The following ARHGAP10 variants were observed in gnomAD, a reference collection of about 807,000 sequenced individuals.
ARHGAP10 encodes the protein Rho GTPase activating protein 10.
In ARHGAP10, 87 loss-of-function variants were observed where a neutral mutation model predicts 108.6. The observed-to-expected ratio is 0.80, with a 90% confidence interval of 0.67 to 0.96. The LOEUF (loss-of-function observed/expected upper bound fraction) is 0.96, where lower values mean the gene tolerates loss of function less well. Ranked by LOEUF, ARHGAP10 falls within the 40% of genes least tolerant of loss-of-function variation. The pLI is 0.00. For missense variants in ARHGAP10, 939 were observed against 954.5 expected, an observed-to-expected ratio of 0.98 and a Z score of 0.21; for synonymous variants, 347 against 341.1, an observed-to-expected ratio of 1.02 and a Z score of -0.19.
chr4:148,066,724 T>G (rs1729894488), intron 22 of ARHGAP10, among the ~76,000 whole-genome samples: 1 of 152,228 alleles, frequency 6.6e-6, no homozygotes, highest in Admixed American at 6.5e-5. Flanking sequence ...TTATCTTCTG[T>G]GTGACCTGGG....
chr4:147,775,872 T>A (rs1164297587), intron 1 of ARHGAP10, among the ~76,000 whole-genome samples: 1 of 152,170 alleles, frequency 6.6e-6, no homozygotes, highest in Non-Finnish European at 1.5e-5. Flanking sequence ...TACCAGATAT[T>A]GTCATGAGAT....
chr4:147,986,887 G>C (rs771550742), intron 18 of ARHGAP10, among the ~76,000 whole-genome samples: 6 of 152,208 alleles, frequency 3.9e-5, no homozygotes, highest in Non-Finnish European at 7.3e-5. Flanking sequence ...CAGGCTGCCT[G>C]GCTTTGGAGG....
intron 18 of ARHGAP10, among the ~76,000 whole-genome samples, chr4:148,022,900 A>T (rs1741622548): frequency 6.6e-6 from 1 of 152,240 alleles, no homozygotes; most frequent in Non-Finnish European, 1.5e-5. Context: ...AACCTTCCAT[A>T]AAATTTAATG....
intron 13 of ARHGAP10, among the ~76,000 whole-genome samples, chr4:147,924,655 T>A (rs904990172): frequency 6.6e-6 from 1 of 152,210 alleles, no homozygotes; most frequent in African/African-American, 2.4e-5. Context: ...GTCTGTGACA[T>A]TTTATGGTAC....
intron 3 of ARHGAP10, among the ~76,000 whole-genome samples, chr4:147,828,689 G>A (rs1220903461): frequency 6.6e-6 from 1 of 152,138 alleles, no homozygotes; most frequent in Non-Finnish European, 1.5e-5. Context: ...TCGAAAAGAG[G>A]GAAGGATATG....
At chr4:148,047,485 C>G (rs970479858) in intron 20 of ARHGAP10, among the ~76,000 whole-genome samples, 2 of 152,234 alleles carry the variant, frequency 1.3e-5, no homozygotes, top group African/African-American at 4.8e-5. Context: ...CTCTGTTTTG[C>G]TCCATAGCAT....
At chr4:147,947,180 C>T (rs1162567184) in intron 15 of ARHGAP10, among the ~76,000 whole-genome samples, 2 of 142,334 alleles carry the variant, frequency 1.4e-5, no homozygotes, top group African/African-American at 2.6e-5. Flanking sequence ...TAATAGAAAA[C>T]ATTTAGGACT....
intron 19 of ARHGAP10, among the ~76,000 whole-genome samples, chr4:148,032,696 G>A (rs1728208197): frequency 1.3e-5 from 2 of 152,140 alleles, no homozygotes; most frequent in Non-Finnish European, 2.9e-5. Context: ...TAGGCCATCT[G>A]CAAGCTGAGG....
chr4:147,898,438 C>A (rs902052096), intron 10 of ARHGAP10, among the ~76,000 whole-genome samples: 1 of 151,488 alleles, frequency 6.6e-6, no homozygotes, highest in Non-Finnish European at 1.5e-5. Flanking sequence ...TTCCTTATTT[C>A]TTTTTAAATA....
chr4:147,997,106 T>C (rs945787899), intron 18 of ARHGAP10, among the ~76,000 whole-genome samples: 1 of 152,160 alleles, frequency 6.6e-6, no homozygotes, highest in Admixed American at 6.5e-5. Flanking sequence ...ATCCAAAACA[T>C]GGGAAGAGAT....
At chr4:147,881,760 G>T in intron 9 of ARHGAP10, 78 bp from the exon 10 acceptor site, 1 of 1,294,244 alleles carries the variant, frequency 7.7e-7, no homozygotes, top group Non-Finnish European at 1.1e-6. Flanking sequence ...TTGCTCCCCT[G>T]CTCTCCAGTA....
chr4:148,064,445 A>G lies in ARHGAP10; in HGVS notation c.2210A>G (p.Tyr737Cys). Residue 737 changes from tyrosine (Y) to cysteine (C), a missense_variant, in exon 22 of 23, where the codon TAT (tyrosine) becomes TGT (cysteine). Transcript: ENST00000336498. The stretch of plus-strand genomic sequence containing the variant: ...CGCAGTCGGAAGGCTCGAGCCGTGT[A>G]TCCGTGTGAAGCAGAACACAGCTCG... The part of the protein sequence containing the change: ...SIRSRKARAV[Y>C]PCEAEHSSEL... 6.2e-7 allele frequency: 1 copy of G among 1,614,088 alleles called. No homozygotes were observed. The highest frequency in any genetic ancestry group is 8.5e-7 in the Non-Finnish European group (1 of 1,180,012).
At chr4:147,829,935 G>T (rs566069739) in intron 3 of ARHGAP10, among the ~76,000 whole-genome samples, 7 of 152,162 alleles carry the variant, frequency 4.6e-5, no homozygotes, top group Non-Finnish European at 8.8e-5. Context: ...GCGGGGAAGC[G>T]GGAGTGCCAG....
intron 17 of ARHGAP10, among the ~76,000 whole-genome samples, chr4:147,966,277 C>T (rs188105502): frequency 6.6e-6 from 1 of 152,336 alleles, no homozygotes; most frequent in East Asian, 1.9e-4. Flanking sequence ...CAGATTCAAC[C>T]AGCTACTGAT....
At chr4:147,773,422 C>T (rs1730155130) in intron 1 of ARHGAP10, among the ~76,000 whole-genome samples, 1 of 152,152 alleles carries the variant, frequency 6.6e-6, no homozygotes, top group Admixed American at 6.5e-5. Context: ...TGTTACCCTC[C>T]ATAGCAAAGG....
intron 1 of ARHGAP10, among the ~76,000 whole-genome samples, chr4:147,812,403 G>A (rs531268009): frequency 8.5e-5 from 13 of 152,202 alleles, no homozygotes; most frequent in African/African-American, 2.4e-4. Context: ...GACCTTGCTT[G>A]TGAGGAATAC....
chr4:147,755,168 AG>A (rs1407652663), intron 1 of ARHGAP10, among the ~76,000 whole-genome samples: 2 of 152,198 alleles, frequency 1.3e-5, no homozygotes, highest in African/African-American at 4.8e-5. Context: ...TTATTATTTA[AG>A]TAAAACCAAA....
At chr4:147,914,353 T>A (rs1736872545) in intron 13 of ARHGAP10, among the ~76,000 whole-genome samples, 1 of 151,998 alleles carries the variant, frequency 6.6e-6, no homozygotes, top group Non-Finnish European at 1.5e-5. Context: ...GCGTTGCATT[T>A]TTATTTTTAT....
chr4:147,967,356 GTC>G (rs1234398517), intron 18 of ARHGAP10, among the ~76,000 whole-genome samples: 1 of 152,230 alleles, frequency 6.6e-6, no homozygotes, highest in Non-Finnish European at 1.5e-5. Context: ...CTTGCAAAGA[GTC>G]TTTCTGGTTA....
Sources: gnomAD v4.1 joint callset for allele counts (sites outside exome capture counted in the v4.1 genomes callset) on GRCh38, gnomAD v4.1.1 for gene constraint, MANE v1.5 for transcripts, NCBI Gene and HGNC (gene_info 2026-07-23, HGNC 2026-07-21) for gene names.